The following USP43 variants were observed in gnomAD, a reference collection of about 807,000 sequenced individuals.
USP43 encodes the protein ubiquitin carboxyl-terminal hydrolase 43.
In USP43, 33 loss-of-function variants were observed where a neutral mutation model predicts 90.7. The ratio of observed to expected loss-of-function variants is 0.36; its 90% CI spans 0.28 to 0.49. The LOEUF is 0.49. USP43 is among the 20% of genes least tolerant of loss of function. The pLI, the probability that USP43 is intolerant of heterozygous loss-of-function variation, is 0.98. For missense variants in USP43, 1,274 were observed against 1,476.4 expected, an observed-to-expected ratio of 0.86 and a Z score of 2.25; for synonymous variants, 598 against 615.8, an observed-to-expected ratio of 0.97 and a Z score of 0.43.
chr17:9,662,262 AAGG>A (rs1463001183), intron 2 of USP43, among the ~76,000 whole-genome samples: 1 of 152,114 alleles, frequency 6.6e-6, no homozygotes, highest in Non-Finnish European at 1.5e-5. Flanking sequence ...GCTACTACCA[AAGG>A]AGGAGGAGTG....
Position 9,656,257 on chromosome 17 carries a change from A to G in USP43, c.505-146A>G, listed in dbSNP as rs560157672. The G allele has an allele frequency of 2.7e-5, 30 of 1,115,800 alleles. No individual in the cohort carries two copies. In the African/African-American group the frequency reaches 4.4e-4, roughly 17 times the overall value. The allele number at this position is 1,115,800 out of a possible 1,614,324, so 69.1% of individuals were successfully genotyped here. A position where few individuals can be genotyped will look rare whatever the true frequency, so the allele number is the denominator to read the frequency against. On this transcript the variant is annotated intron_variant, in intron 1 of 14. Transcript: ENST00000285199. ...CCAAAAGGACGGGCTTTGGCGTGAA[A>G]GAACATTTCTACCCCGGCTGTTTGT...
intron 3 of USP43, among the ~76,000 whole-genome samples, chr17:9,667,208 C>CAAA (rs1567652747): frequency 0.013 from 2,009 of 150,424 alleles, 50 homozygotes; most frequent in African/African-American, 0.046. Context: ...CAAAAAAAAC[C>CAAA]ACAAAAAACA....
intron 12 of USP43, among the ~76,000 whole-genome samples, chr17:9,705,920 A>G (rs572698772): frequency 5.9e-5 from 9 of 152,288 alleles, no homozygotes; most frequent in Non-Finnish European, 1.2e-4. Context: ...ATAAGCACAA[A>G]CAAGATGTCC....
rs765445654 is a variant in USP43, at chr17:9,680,367, G to T, written c.1105+1G>T. The T allele has an allele frequency of 3.1e-6, 5 of 1,613,702 alleles. No individual in the cohort carries two copies. The East Asian group carries it at 1.1e-4, about 36-fold the overall frequency. On this transcript the variant is annotated splice_donor_variant, in intron 6 of 14. Coordinates refer to ENST00000285199, the MANE Select transcript of USP43 (RefSeq NM_153210.5). LOFTEE classifies it high-confidence loss of function. ...TCACCCAGCCAGGGGACTCTCTCAG[G>T]TATAACAGGTGCTTTGCACAATTTT...
intron 1 of USP43, among the ~76,000 whole-genome samples, chr17:9,650,505 C>A (rs141056277): frequency 3.3e-5 from 5 of 152,058 alleles, no homozygotes; most frequent in African/African-American, 1.2e-4. Flanking sequence ...TGGGTTCAGG[C>A]GATTCTCCTG....
At chr17:9,692,934 T>A (rs1340842499) in intron 8 of USP43, among the ~76,000 whole-genome samples, 193 bp from the exon 9 acceptor site, 1 of 152,328 alleles carries the variant, frequency 6.6e-6, no homozygotes, top group East Asian at 1.9e-4. Flanking sequence ...ATCACTGCAT[T>A]ACAGGGTATA....
chr17:9,728,072 C>G lies in USP43; in HGVS notation c.2454C>G (p.Ser818=), dbSNP rs2152005459. 1 of 1,613,882 alleles carries G rather than the reference C, an allele frequency of 6.2e-7. No individual in the cohort carries two copies. Among genetic ancestry groups the G allele is most frequent in the Middle Eastern group, 1.6e-4 (1 of 6,062 alleles). The change falls in exon 15 of 15, where the codon TCC becomes TCG. Residue 818 remains serine, a synonymous_variant. Transcript: ENST00000285199. This position sits in a 1 kb window ranked among gnomAD's most constrained non-coding sequence, Gnocchi z 6.2. ...TCAAGACCATGCCTCTGCGGTGGTC[C>G]TTTGGATCCAAGGAGAAACCACCAG... ...GPFKTMPLRW[S]FGSKEKPPGA... is the part of the protein sequence containing the mutation.
Position 9,728,566 on chromosome 17 carries a change from G to C in USP43, c.2948G>C (p.Arg983Pro), listed in dbSNP as rs376632985. ...GFSGNSKDSR[R>P]GTSELDRPLQ... is the part of the protein sequence containing the mutation. Reference sequence around the variant, plus strand: ...TCTGGAAACAGCAAAGACAGTCGCCGAGGCACCTCTGAGCTAGACAGACCC... The same window carrying C: ...TCTGGAAACAGCAAAGACAGTCGCCCAGGCACCTCTGAGCTAGACAGACCC... The change falls in exon 15 of 15, where the codon CGA (arginine) becomes CCA (proline). Residue 983 changes from arginine (R) to proline (P), a missense_variant. By Grantham distance (103) the Arg-to-Pro change is moderately radical (BLOSUM62 -2). Transcript: ENST00000285199. This position sits in a 1 kb window ranked among gnomAD's most constrained non-coding sequence, Gnocchi z 6.2. 6.8e-6 allele frequency: 11 copies of C among 1,613,866 alleles called. No homozygotes were observed. Among genetic ancestry groups the C allele is most frequent in the African/African-American group, 1.3e-5 (1 of 74,936 alleles).
intron 9 of USP43, among the ~76,000 whole-genome samples, chr17:9,697,722 T>A (rs1915359992): frequency 6.6e-6 from 1 of 151,914 alleles, no homozygotes; most frequent in Non-Finnish European, 1.5e-5. Flanking sequence ...CCACATTTTC[T>A]TTATCCAATC....
chr17:9,715,078 G>A (rs936408199), intron 14 of USP43, among the ~76,000 whole-genome samples: 5 of 152,210 alleles, frequency 3.3e-5, no homozygotes, highest in African/African-American at 1.2e-4. Context: ...TGACAGCTAA[G>A]TAGGAGATAG....
intron 2 of USP43, among the ~76,000 whole-genome samples, chr17:9,666,268 G>C (rs78956745): frequency 0.012 from 1,800 of 152,274 alleles, 39 homozygotes; most frequent in African/African-American, 0.041. Flanking sequence ...GTGTGGATGC[G>C]TTTGAGGTGA....
At chr17:9,691,885 CA>C (rs979526920) in intron 8 of USP43, among the ~76,000 whole-genome samples, 2 of 150,672 alleles carry the variant, frequency 1.3e-5, no homozygotes, top group Non-Finnish European at 1.5e-5. Flanking sequence ...ACTAAAAATA[CA>C]AAAAAAATTA....
chr17:9,704,496 T>A (rs977290913), intron 12 of USP43, among the ~76,000 whole-genome samples: 2 of 151,882 alleles, frequency 1.3e-5, no homozygotes, highest in African/African-American at 2.4e-5. Context: ...TTGTATTTTT[T>A]AGTAGAGACA....
chr17:9,728,381 G>A lies in USP43; in HGVS notation c.2763G>A (p.Gln921=). 6.2e-7 allele frequency: 1 copy of A among 1,608,314 alleles called. No individual in the cohort carries two copies. Among genetic ancestry groups the A allele is most frequent in the Admixed American group, 1.7e-5 (1 of 58,904 alleles). The change falls in exon 15 of 15, where the codon CAG becomes CAA. Residue 921 remains glutamine, a synonymous_variant. Transcript: ENST00000285199. The surrounding 1 kb of genome is among the most constrained non-coding windows in gnomAD (Gnocchi z 6.2). ...GGAAACTCAAGGAAAATGCAGGGCAGGACATCAAGCTTCCCAGAAAGTTTG... is the reference window on the plus strand; with the variant it reads ...GGAAACTCAAGGAAAATGCAGGGCAAGACATCAAGCTTCCCAGAAAGTTTG... ...TARKLKENAG[Q]DIKLPRKFDL...
intron 3 of USP43, among the ~76,000 whole-genome samples, chr17:9,671,419 CTGT>C (rs972938819): frequency 7.4e-4 from 113 of 152,090 alleles, no homozygotes; most frequent in African/African-American, 2.7e-3. Context: ...GGCATAATTA[CTGT>C]TGTTTGCATA....
chr17:9,721,358 AT>A (rs375912717), intron 14 of USP43, among the ~76,000 whole-genome samples: 118 of 152,262 alleles, frequency 7.7e-4, no homozygotes, highest in African/African-American at 2.4e-3. Flanking sequence ...TCTAGAAGTT[AT>A]CTGGAAGTCT....
chr17:9,691,062 GT>G (rs1239261744), intron 8 of USP43, among the ~76,000 whole-genome samples: 1 of 150,140 alleles, frequency 6.7e-6, no homozygotes. Flanking sequence ...TAAATGTCAT[GT>G]TTTCAAGGGT....
rs374142339 is a variant in USP43, at chr17:9,693,162, A to T, written c.1389A>T (p.Gly463=). 1.2e-6 allele frequency: 2 copies of T among 1,611,886 alleles called. No individual in the cohort carries two copies. The highest frequency in any genetic ancestry group is 1.7e-6 in the Non-Finnish European group (2 of 1,179,322). ...LGSLFSIRVV[G]LSVACSYLSP... ...CTCTGTTCTCCATCCGTGTTGTGGG[A>T]CTCTCTGTGGCCTGCAGCTATTTGT... The change falls in exon 9 of 15, where the codon GGA becomes GGT. Residue 463 remains glycine, a synonymous_variant. Coordinates refer to ENST00000285199, the MANE Select transcript of USP43 (RefSeq NM_153210.5).
At chr17:9,703,589 A>T (rs1915701254) in intron 12 of USP43, among the ~76,000 whole-genome samples, 1 of 152,234 alleles carries the variant, frequency 6.6e-6, no homozygotes, top group African/African-American at 2.4e-5. Flanking sequence ...AGCCTGTTTA[A>T]TACTAAAAGC....
Sources: allele counts gnomAD v4.1 joint callset (sites outside exome capture counted in the v4.1 genomes callset), GRCh38; gene constraint gnomAD v4.1.1; non-coding constraint Gnocchi (gnomAD v3.1); transcripts MANE v1.5; gene names NCBI Gene and HGNC (gene_info 2026-07-23, HGNC 2026-07-21).